UBE2V2: variants seen among roughly 807,000 people sequenced by gnomAD.
UBE2V2 encodes the protein ubiquitin-conjugating enzyme E2 variant 2.
In UBE2V2, 9 loss-of-function variants were observed where a neutral mutation model predicts 17.2. The observed-to-expected ratio is 0.52, with a 90% confidence interval of 0.32 to 0.91. The LOEUF (loss-of-function observed/expected upper bound fraction) is 0.91, where lower values mean the gene tolerates loss of function less well. Among genes scored for constraint, UBE2V2 ranks in the 40% least tolerant of loss-of-function variants. The pLI is 0.04. For synonymous variants in UBE2V2, 61 were observed against 57.5 expected, an observed-to-expected ratio of 1.06 and a Z score of -0.28; for missense variants, 133 against 182.6, an observed-to-expected ratio of 0.73 and a Z score of 1.56.
At chr8:48,026,234 C>T (rs1297498892) in intron 1 of UBE2V2, among the ~76,000 whole-genome samples, 1 of 151,926 alleles carries the variant, frequency 6.6e-6, no homozygotes, top group Non-Finnish European at 1.5e-5. Flanking sequence ...GCTATGTAAC[C>T]CGGGCTTCTT....
chr8:48,031,290 CTG>C (rs1354212900), intron 1 of UBE2V2, among the ~76,000 whole-genome samples: 2 of 152,122 alleles, frequency 1.3e-5, no homozygotes, highest in African/African-American at 2.4e-5. Context: ...TAATATTTCA[CTG>C]TTTTATTTTT....
At chr8:47,999,976 A>G in the UBE2V2 span, among the ~76,000 whole-genome samples, 1 of 152,244 alleles carries the variant, frequency 6.6e-6, no homozygotes, top group African/African-American at 2.4e-5. Flanking sequence ...AGGGATTTTC[A>G]CAATGCTTTT....
intron 1 of UBE2V2, chr8:48,042,589 A>G (rs1156532020): frequency 6.6e-6 from 1 of 151,438 alleles, no homozygotes. Flanking sequence ...TCTAAAAGAC[A>G]GTACCTTCTG....
chr8:48,006,354 T>C (rs1323499831), upstream of UBE2V2, among the ~76,000 whole-genome samples: 3 of 152,204 alleles, frequency 2.0e-5, no homozygotes, highest in African/African-American at 4.8e-5. Context: ...GAGGCCTCTG[T>C]TCTGTTCCAT....
At chr8:48,018,727 CTG>C (rs1257035899) in intron 1 of UBE2V2, among the ~76,000 whole-genome samples, 1 of 152,164 alleles carries the variant, frequency 6.6e-6, no homozygotes, top group Non-Finnish European at 1.5e-5. Flanking sequence ...TCTGCATGAT[CTG>C]TGCATTGCTA....
At chr8:48,038,692 G>T (rs908148463) in intron 1 of UBE2V2, among the ~76,000 whole-genome samples, 2 of 152,046 alleles carry the variant, frequency 1.3e-5, no homozygotes, top group Non-Finnish European at 1.5e-5. Flanking sequence ...TGTTGGCCAG[G>T]CTGGTCTCGA....
chr8:48,031,641 G>A (rs911213494), intron 1 of UBE2V2, among the ~76,000 whole-genome samples: 3 of 152,076 alleles, frequency 2.0e-5, no homozygotes, highest in African/African-American at 7.2e-5. Flanking sequence ...TCAGATGTAC[G>A]AAGTTTGACT....
chr8:48,024,649 A>G (rs913024180), intron 1 of UBE2V2, among the ~76,000 whole-genome samples: 11 of 152,106 alleles, frequency 7.2e-5, no homozygotes, highest in African/African-American at 2.2e-4. Flanking sequence ...ACTGTATCCT[A>G]CGTATGCCTT....
chr8:48,032,357 TC>T (rs1354302426), intron 1 of UBE2V2, among the ~76,000 whole-genome samples: 2 of 152,192 alleles, frequency 1.3e-5, no homozygotes, highest in Non-Finnish European at 2.9e-5. Context: ...AATATTACCT[TC>T]TGATTTTTTT....
chr8:48,041,236 A>G (rs1343774515), intron 1 of UBE2V2, among the ~76,000 whole-genome samples: 1 of 145,912 alleles, frequency 6.9e-6, no homozygotes, highest in African/African-American at 2.6e-5. Flanking sequence ...CAGTGGTGCG[A>G]TCTCGGCTCA....
At chr8:48,007,225 C>G (rs1231804713), upstream of UBE2V2, among the ~76,000 whole-genome samples, 1 of 152,102 alleles carries the variant, frequency 6.6e-6, no homozygotes, top group Non-Finnish European at 1.5e-5. Context: ...TCTCTCACCA[C>G]TCCTATTCAA....
At chr8:48,059,546 G>A (rs571080414) in intron 3 of UBE2V2, among the ~76,000 whole-genome samples, 9 of 151,956 alleles carry the variant, frequency 5.9e-5, no homozygotes, top group African/African-American at 1.9e-4. Flanking sequence ...GTAGCTGGGA[G>A]TACAGGCACG....
the UBE2V2 span, among the ~76,000 whole-genome samples, chr8:47,998,478 C>T: frequency 6.6e-6 from 1 of 152,024 alleles, no homozygotes; most frequent in East Asian, 1.9e-4. Context: ...TGACCCAGGG[C>T]TGGGTCTTTT....
intron 3 of UBE2V2, among the ~76,000 whole-genome samples, chr8:48,057,981 G>T (rs529003380): frequency 9.2e-5 from 14 of 152,030 alleles, no homozygotes; most frequent in Admixed American, 7.9e-4. Context: ...CTTTTATTTC[G>T]CTTCTTTGTT....
At chr8:48,015,116 A>G (rs1028832727) in intron 1 of UBE2V2, among the ~76,000 whole-genome samples, 2 of 145,626 alleles carry the variant, frequency 1.4e-5, no homozygotes, top group African/African-American at 5.1e-5. Flanking sequence ...AGTGGCTTCC[A>G]CCTGTAGTCC....
At chr8:48,035,631 T>TTTTGTG (rs1554657539) in intron 1 of UBE2V2, among the ~76,000 whole-genome samples, 49 of 109,536 alleles carry the variant, frequency 4.5e-4, no homozygotes, top group East Asian at 3.0e-3. Context: ...TTTTTTTTTT[T>TTTTGTG]TGTGTGTGTG....
intron 1 of UBE2V2, chr8:48,035,187 C>A: frequency 1.1e-6 from 1 of 918,478 alleles, no homozygotes; most frequent in Non-Finnish European, 1.3e-6. Flanking sequence ...ACAATCTCAG[C>A]TCACTGCTAC....
chr8:48,042,805 A>G (rs550877472), intron 1 of UBE2V2: 1 of 342,384 alleles, frequency 2.9e-6, no homozygotes, highest in African/African-American at 2.1e-5. Context: ...AGGAATTTAT[A>G]TACACGTTGT....
chr8:48,036,753 A>G (rs1203669782), intron 1 of UBE2V2, among the ~76,000 whole-genome samples: 2 of 151,990 alleles, frequency 1.3e-5, no homozygotes, highest in Admixed American at 6.6e-5. Context: ...TATTTTTTCA[A>G]TTGATGTTGA....
Sources: gnomAD v4.1 joint callset for allele counts (sites outside exome capture counted in the v4.1 genomes callset) on GRCh38, gnomAD v4.1.1 for gene constraint, MANE v1.5 for transcripts, NCBI Gene and HGNC (gene_info 2026-07-23, HGNC 2026-07-21) for gene names.